Variants in QTGAL observed in about 807,000 individuals in gnomAD.
QTGAL encodes queuosine-tRNA galactosyltransferase.
the QTGAL span, chr17:82,956,801 G>C: frequency 6.4e-6 from 10 of 1,557,090 alleles, no homozygotes; most frequent in Admixed American, 1.9e-5. The surrounding 1 kb of genome is among the most constrained non-coding windows in gnomAD (Gnocchi z 5.7). Context: ...AGTCCTGCCC[G>C]AGCCTGGAGC....
the QTGAL span, among the ~76,000 whole-genome samples, chr17:83,044,046 C>T: frequency 6.6e-6 from 1 of 152,298 alleles, no homozygotes; most frequent in South Asian, 2.1e-4. Flanking sequence ...GGTGACCTCA[C>T]TGATGAATTC....
the QTGAL span, among the ~76,000 whole-genome samples, chr17:82,970,578 TGGCCGC>T: frequency 2.2e-5 from 3 of 134,480 alleles, 1 homozygote; most frequent in African/African-American, 1.0e-4. Flanking sequence ...GCACCCGGCG[TGGCCGC>T]GACCTCCGCA....
chr17:82,953,595 G>C, the QTGAL span, among the ~76,000 whole-genome samples: 12,704 of 152,214 alleles, frequency 0.083, 740 homozygotes, highest in South Asian at 0.24. Context: ...ACAAAGAGGA[G>C]CTGGTACCAT....
chr17:83,049,329 T>C, the QTGAL span, among the ~76,000 whole-genome samples: 2 of 152,072 alleles, frequency 1.3e-5, no homozygotes, highest in African/African-American at 4.8e-5. Flanking sequence ...ATCATGAGTT[T>C]TCCAATCACT....
At chr17:82,983,215 G>C in the QTGAL span, among the ~76,000 whole-genome samples, 1 of 152,212 alleles carries the variant, frequency 6.6e-6, no homozygotes, top group Non-Finnish European at 1.5e-5. Context: ...AGAAGGCGGA[G>C]GTTGCAGTGA....
the QTGAL span, among the ~76,000 whole-genome samples, chr17:83,031,533 C>A: frequency 5.3e-5 from 8 of 152,078 alleles, no homozygotes; most frequent in South Asian, 1.7e-3. Flanking sequence ...CAGGGCTCTG[C>A]GAGGACTCAC....
At chr17:83,048,122 G>A in the QTGAL span, among the ~76,000 whole-genome samples, 1 of 152,094 alleles carries the variant, frequency 6.6e-6, no homozygotes, top group Non-Finnish European at 1.5e-5. Flanking sequence ...TGCCTCCCGG[G>A]TTCAAGCAAT....
chr17:83,011,939 G>A, the QTGAL span, among the ~76,000 whole-genome samples: 5,778 of 150,230 alleles, frequency 0.038, 166 homozygotes, highest in Non-Finnish European at 0.059. Flanking sequence ...CACACGCCAC[G>A]AACTCCTCGT....
chr17:82,961,218 C>T, the QTGAL span: 3 of 1,590,916 alleles, frequency 1.9e-6, no homozygotes, highest in East Asian at 2.3e-5. Flanking sequence ...CACTGGGGCC[C>T]CAGAAACGCG....
chr17:82,949,075 G>A, the QTGAL span: 1 of 152,142 alleles, frequency 6.6e-6, no homozygotes, highest in Non-Finnish European at 1.5e-5. Context: ...TTACTGAAGG[G>A]GAAATAAAGC....
chr17:83,033,224 TA>T, the QTGAL span, among the ~76,000 whole-genome samples: 3 of 152,244 alleles, frequency 2.0e-5, no homozygotes, highest in Non-Finnish European at 2.9e-5. Flanking sequence ...AAAGTCTTTA[TA>T]AACATCACAG....
the QTGAL span, among the ~76,000 whole-genome samples, chr17:82,977,063 T>C: frequency 6.6e-6 from 1 of 152,266 alleles, no homozygotes; most frequent in Non-Finnish European, 1.5e-5. Flanking sequence ...TGACCCGCAG[T>C]GCCCACCTCG....
At chr17:83,030,115 A>G in the QTGAL span, among the ~76,000 whole-genome samples, 1 of 152,220 alleles carries the variant, frequency 6.6e-6, no homozygotes. Context: ...GATTAATTTG[A>G]TTCTGGGCTC....
chr17:83,015,458 A>G, the QTGAL span, among the ~76,000 whole-genome samples: 2 of 152,286 alleles, frequency 1.3e-5, no homozygotes, highest in Non-Finnish European at 2.9e-5. The surrounding 1 kb of genome is among the most constrained non-coding windows in gnomAD (Gnocchi z 4.4). Flanking sequence ...TTCAAATGCC[A>G]TTCAGCAGCT....
chr17:82,965,809 G>GC, the QTGAL span: 1 of 1,457,972 alleles, frequency 6.9e-7, no homozygotes, highest in Non-Finnish European at 9.5e-7. Flanking sequence ...ACAACCTGCA[G>GC]TTTATTTCCA....
chr17:82,961,515 C>T, the QTGAL span, among the ~76,000 whole-genome samples: 1 of 152,200 alleles, frequency 6.6e-6, no homozygotes, highest in Non-Finnish European at 1.5e-5. Flanking sequence ...GGTCTCACAG[C>T]CACGGCTCCT....
At chr17:82,956,191 C>G in the QTGAL span, among the ~76,000 whole-genome samples, 165 of 152,088 alleles carry the variant, frequency 1.1e-3, no homozygotes, top group African/African-American at 3.7e-3. The surrounding 1 kb of genome is among the most constrained non-coding windows in gnomAD (Gnocchi z 5.7). Context: ...CTCACCTCAG[C>G]CCCCCGCAGC....
At chr17:83,043,222 A>C in the QTGAL span, among the ~76,000 whole-genome samples, 469 of 152,344 alleles carry the variant, frequency 3.1e-3, 2 homozygotes, top group African/African-American at 0.011. Context: ...CAGAACACAC[A>C]TTCTCAGGTG....
chr17:82,942,400 G>A, the QTGAL span: 1 of 1,613,738 alleles, frequency 6.2e-7, no homozygotes, highest in Non-Finnish European at 8.5e-7. Flanking sequence ...GGCTGGGAAT[G>A]GTGTGTGTTG....
Sources: allele counts gnomAD v4.1 joint callset (sites outside exome capture counted in the v4.1 genomes callset), GRCh38; gene constraint gnomAD v4.1.1; non-coding constraint Gnocchi (gnomAD v3.1); transcripts MANE v1.5; gene names NCBI Gene and HGNC (gene_info 2026-07-23, HGNC 2026-07-21).